NELL1: variants seen among roughly 807,000 people sequenced by gnomAD.
The protein encoded by NELL1 is protein kinase C-binding protein NELL1.
NELL1 carries 76 observed loss-of-function variants against 107.4 expected under a neutral mutation model. The ratio of observed to expected loss-of-function variants is 0.71; its 90% CI spans 0.59 to 0.86. The LOEUF (loss-of-function observed/expected upper bound fraction) is 0.86. Ranked by LOEUF, NELL1 falls within the 40% of genes least tolerant of loss-of-function variation. The probability of loss-of-function intolerance (pLI) is 0.00; values close to 1 mark genes in which losing one functional copy is unlikely to be tolerated. For synonymous variants in NELL1, 353 were observed against 341.2 expected, an observed-to-expected ratio of 1.03 and a Z score of -0.38; for missense variants, 1,024 against 1,005.5, an observed-to-expected ratio of 1.02 and a Z score of -0.25.
chr11:21,512,897 A>C (rs6483774), intron 15 of NELL1, among the ~76,000 whole-genome samples: 2 of 152,000 alleles, frequency 1.3e-5, no homozygotes, highest in African/African-American at 2.4e-5. Context: ...CCAATGCTTG[A>C]ACATGTTTCC....
intron 2 of NELL1, among the ~76,000 whole-genome samples, chr11:20,728,816 A>G (rs1855565786): frequency 6.6e-6 from 1 of 152,116 alleles, no homozygotes; most frequent in South Asian, 2.1e-4. Flanking sequence ...TGTGAATTTC[A>G]TCATAGTTTT....
intron 15 of NELL1, among the ~76,000 whole-genome samples, chr11:21,381,837 G>A (rs1199602230): frequency 6.6e-6 from 1 of 150,864 alleles, no homozygotes; most frequent in Non-Finnish European, 1.5e-5. Flanking sequence ...CTGCTCTGGG[G>A]AAAGACTGAG....
chr11:21,214,768 C>T (rs1857577381), intron 13 of NELL1, among the ~76,000 whole-genome samples: 1 of 111,666 alleles, frequency 9.0e-6, no homozygotes, highest in African/African-American at 3.5e-5. Context: ...ATATGGAGAA[C>T]AGGTTAGTGG....
Position 20,716,840 on chromosome 11 carries a change from T to C in NELL1, c.184+38780T>C, listed in dbSNP as rs527886720. 3.9e-5 allele frequency among the ~76,000 whole-genome samples: 6 copies of C among 152,358 alleles called. No individual in the cohort carries two copies. The South Asian group carries it at 1.2e-3, about 32-fold the overall frequency. ...TTAATATAATGTATTAGAACAGCAT[T>C]GGGTATGTAGCAAACACTCAGTGAG... On this transcript the variant is annotated intron_variant, in intron 2 of 19. Coordinates refer to ENST00000357134, the MANE Select transcript of NELL1 (RefSeq NM_006157.5).
intron 13 of NELL1, among the ~76,000 whole-genome samples, chr11:21,143,391 G>A (rs1855910123): frequency 6.6e-6 from 1 of 152,136 alleles, no homozygotes; most frequent in Admixed American, 6.5e-5. Context: ...GAGTTTGTAG[G>A]TGATGGAGAA....
At chr11:21,058,498 A>C (rs1853663403) in intron 12 of NELL1, among the ~76,000 whole-genome samples, 1 of 152,062 alleles carries the variant, frequency 6.6e-6, no homozygotes, top group Admixed American at 6.6e-5. Flanking sequence ...GTGCATTTAG[A>C]TGTATTATGG....
chr11:20,761,575 A>G (rs1856421633), intron 2 of NELL1, among the ~76,000 whole-genome samples: 1 of 152,224 alleles, frequency 6.6e-6, no homozygotes. Context: ...AAGCTCCACA[A>G]ACAAACCCAC....
intron 13 of NELL1, among the ~76,000 whole-genome samples, chr11:21,168,688 C>CT (rs1251947171): frequency 2.6e-5 from 4 of 151,982 alleles, no homozygotes; most frequent in African/African-American, 4.8e-5. Flanking sequence ...CCTAAAATCT[C>CT]TGAGTTACTG....
Position 20,975,401 on chromosome 11 carries a change from T to A in NELL1, c.1300+14841T>A, listed in dbSNP as rs115868121. Among the ~76,000 whole-genome samples the A allele has an allele frequency of 5.6e-3, 847 of 151,656 alleles. 12 individuals carry two copies. The highest frequency in any genetic ancestry group is 0.019 in the African/African-American group (803 of 41,384). ...CCAGTGGTAACAGCTTGCCCCTCAC[T>A]GAGAAGGCCATTGAAATCCACTGTT... On this transcript the variant is annotated intron_variant, in intron 12 of 19. Coordinates refer to ENST00000357134, the MANE Select transcript of NELL1 (RefSeq NM_006157.5).
chr11:20,757,648 T>C (rs1856327093), intron 2 of NELL1, among the ~76,000 whole-genome samples: 1 of 152,206 alleles, frequency 6.6e-6, no homozygotes, highest in Non-Finnish European at 1.5e-5. Context: ...AACTCTTTTT[T>C]CCTCTGGAAT....
chr11:20,703,456 C>T (rs1005797419), intron 2 of NELL1, among the ~76,000 whole-genome samples: 8 of 151,948 alleles, frequency 5.3e-5, no homozygotes, highest in African/African-American at 9.7e-5. Flanking sequence ...AACCAGCTCC[C>T]GGATTCATTG....
At chr11:20,697,314 T>C (rs1854644786) in intron 2 of NELL1, among the ~76,000 whole-genome samples, 1 of 151,904 alleles carries the variant, frequency 6.6e-6, no homozygotes, top group South Asian at 2.1e-4. Context: ...TAGTGTTAAG[T>C]AGTTGGGAGG....
intron 8 of NELL1, 102 bp from the exon 9 acceptor site, chr11:20,928,275 G>A: frequency 1.9e-6 from 2 of 1,063,414 alleles, no homozygotes; most frequent in Non-Finnish European, 2.9e-6. Context: ...TACTGCTTCT[G>A]TTTCCCTGAT....
intron 15 of NELL1, among the ~76,000 whole-genome samples, chr11:21,501,109 T>C (rs1855129111): frequency 6.6e-6 from 1 of 152,132 alleles, no homozygotes; most frequent in Admixed American, 6.6e-5. Context: ...AAAGTATGAC[T>C]TTGCCAACAT....
At chr11:21,486,121 C>A (rs1344222287) in intron 15 of NELL1, among the ~76,000 whole-genome samples, 1 of 152,076 alleles carries the variant, frequency 6.6e-6, no homozygotes, top group Non-Finnish European at 1.5e-5. Flanking sequence ...ATTTCTGGAC[C>A]ATTCCTGATA....
chr11:21,085,500 G>A (rs1165967538), intron 12 of NELL1, among the ~76,000 whole-genome samples: 2 of 152,090 alleles, frequency 1.3e-5, no homozygotes, highest in Non-Finnish European at 2.9e-5. Flanking sequence ...GCCAGTTTTG[G>A]TGGCCCATAT....
intron 4 of NELL1, among the ~76,000 whole-genome samples, chr11:20,852,274 A>G (rs1269317515): frequency 6.6e-6 from 1 of 152,220 alleles, no homozygotes; most frequent in African/African-American, 2.4e-5. Context: ...AAACATACTT[A>G]TCTTTTACTT....
chr11:21,348,000 G>A (rs1850721568), intron 14 of NELL1, among the ~76,000 whole-genome samples: 1 of 152,160 alleles, frequency 6.6e-6, no homozygotes, highest in Non-Finnish European at 1.5e-5. Flanking sequence ...AACTGAAAAG[G>A]CTGAGCTAAC....
chr11:20,680,596 TG>T (rs1565304174), intron 2 of NELL1, among the ~76,000 whole-genome samples: 1 of 151,948 alleles, frequency 6.6e-6, no homozygotes. Context: ...AGGAAGGAAA[TG>T]GAAAGAAGAA....
Sources: allele counts gnomAD v4.1 joint callset (sites outside exome capture counted in the v4.1 genomes callset), GRCh38; gene constraint gnomAD v4.1.1; transcripts MANE v1.5; gene names NCBI Gene and HGNC (gene_info 2026-07-23, HGNC 2026-07-21).